Variants in PCNT observed in about 807,000 individuals in gnomAD.
The protein encoded by PCNT is kendrin.
In PCNT, 319 loss-of-function variants were observed where a neutral mutation model predicts 380.4. That is an observed-to-expected ratio of 0.84 (90% CI 0.77 to 0.92). The LOEUF is 0.92. PCNT is among the 40% of genes least tolerant of loss of function. The pLI is 0.00. For missense variants in PCNT, 4,400 were observed against 4,255.3 expected (o/e 1.03, Z -0.95); for synonymous variants, 1,845 against 1,735.2 (o/e 1.06, Z -1.57).
At position 46,353,992 on chromosome 21, in the gene PCNT, C is replaced by G; in HGVS notation, c.1685C>G (p.Ser562Cys). 18 of 1,613,418 alleles carry G rather than the reference C, an allele frequency of 1.1e-5. No homozygotes were observed. Among genetic ancestry groups the G allele is most frequent in the Non-Finnish European group, 1.5e-5 (18 of 1,179,410 alleles). The change falls in exon 11 of 47, where the codon TCC becomes TGC. Residue 562 changes from serine to cysteine, a missense_variant. Coordinates refer to ENST00000359568, the MANE Select transcript of PCNT (RefSeq NM_006031.6). ...ALLDSVEVGL[S>C]CVGLEEKPEK... Reference sequence around the variant, plus strand: ...ATAAAATGTTTTCCCTTCAGGTTGTCCTGTGTGGGTTTAGAAGAGAAACCT... The same window carrying G: ...ATAAAATGTTTTCCCTTCAGGTTGTGCTGTGTGGGTTTAGAAGAGAAACCT...
chr21:46,390,660 G>GT lies in PCNT; in HGVS notation c.3841-6dup. On this transcript the variant is annotated splice_polypyrimidine_tract_variant and intron_variant, in intron 19 of 46. Transcript: ENST00000359568. ...ATCTGGAGTTTTGATTTGCAAATGT[G>GT]TTTTAACAGCTGGAAGAAGCACGCC... The GT allele has an allele frequency of 6.2e-7, 1 of 1,614,020 alleles. No homozygotes were observed. Among genetic ancestry groups the GT allele is most frequent in the Non-Finnish European group, 8.5e-7 (1 of 1,179,902 alleles).
rs369123962 is a variant in PCNT, at chr21:46,370,233, G to C, written c.3165+3094G>C. On this transcript the variant is annotated intron_variant, in intron 15 of 46. Coordinates refer to ENST00000359568, the MANE Select transcript of PCNT (RefSeq NM_006031.6). ...TGCAGGGGTGGGCATCCGGGGGGGG[G>C]TGTCTTTGGTTGGCCTCCCCTCCTG... is the stretch of plus-strand genomic sequence containing the variant. 3.3e-5 allele frequency among the ~76,000 whole-genome samples: 5 copies of C among 152,006 alleles called. No homozygotes were observed. In the East Asian group the frequency reaches 9.7e-4, roughly 29 times the overall value.
intron 31 of PCNT, chr21:46,420,623 T>C (rs1443135753): frequency 6.6e-6 from 1 of 152,560 alleles, no homozygotes; most frequent in African/African-American, 2.4e-5. Flanking sequence ...CAATGGGGAA[T>C]GTGGTCTTGG....
chr21:46,396,191 C>T (rs1293277535), intron 21 of PCNT, among the ~76,000 whole-genome samples: 3 of 152,238 alleles, frequency 2.0e-5, no homozygotes, highest in African/African-American at 2.4e-5. Context: ...GCCGGGGCTT[C>T]GCCACCCCAG....
intron 43 of PCNT, among the ~76,000 whole-genome samples, chr21:46,442,138 C>A (rs748386308): frequency 6.6e-6 from 1 of 152,134 alleles, no homozygotes; most frequent in Non-Finnish European, 1.5e-5. Context: ...GCACACCAGG[C>A]GGGAGCGGCA....
intron 8 of PCNT, 70 bp from the exon 9 acceptor site, chr21:46,351,359 G>A (rs552076345): frequency 1.1e-5 from 9 of 847,678 alleles, no homozygotes; most frequent in South Asian, 2.6e-5. Flanking sequence ...GGATAAAACC[G>A]CACACGTCAC....
At chr21:46,386,297 AGTGTCT>A (rs2085832884) in intron 17 of PCNT, among the ~76,000 whole-genome samples, 1 of 151,906 alleles carries the variant, frequency 6.6e-6, no homozygotes, top group Admixed American at 6.5e-5. Flanking sequence ...CCTCCCCTTT[AGTGTCT>A]GCGTCCCCGC....
chr21:46,389,711 A>T (rs1234782849), intron 19 of PCNT, among the ~76,000 whole-genome samples: 1 of 152,268 alleles, frequency 6.6e-6, no homozygotes, highest in African/African-American at 2.4e-5. Context: ...CTAAGAAAGG[A>T]AATTTTTTGT....
In PCNT at chr21:46,428,537, T is replaced by C. The variant is rs751492507; in HGVS notation, c.7637T>C (p.Leu2546Pro). Residue 2546 changes from leucine to proline, a missense_variant, in exon 35 of 47, where the codon CTG (leucine) becomes CCG (proline). Coordinates refer to ENST00000359568, the MANE Select transcript of PCNT (RefSeq NM_006031.6). ...AAGCTGCAGCACTTGCGCACGGCGC[T>C]GACAAGCGCAGAGGCGCGCGGGAGC... ...QEKLQHLRTALTSAEARGSQQ... is the reference protein window; with the variant it reads ...QEKLQHLRTAPTSAEARGSQQ... The C allele has an allele frequency of 6.2e-6, 10 of 1,610,252 alleles. No homozygotes were observed. In the South Asian group the frequency reaches 1.1e-4, roughly 18 times the overall value.
Position 46,431,323 on chromosome 21 carries a change from G to A in PCNT, c.8065-206G>A, listed in dbSNP as rs201171629. The A allele has an allele frequency of 1.1e-4, 161 of 1,428,934 alleles. 1 individual carries two copies. Among genetic ancestry groups the A allele is most frequent in the African/African-American group, 1.1e-3 (76 of 69,706 alleles). 88.5% of individuals were successfully genotyped at this position (1,428,934 alleles called of 1,614,324 possible). ...GAACCCAGGACTCAACACCATTTCC[G>A]AAAAAAGTATGTCATCTCCGCAGTC... On this transcript the variant is annotated intron_variant, in intron 37 of 46. Coordinates refer to ENST00000359568, the MANE Select transcript of PCNT (RefSeq NM_006031.6).
At chr21:46,435,137 G>A (rs1004806602) in intron 38 of PCNT, among the ~76,000 whole-genome samples, 1 of 152,206 alleles carries the variant, frequency 6.6e-6, no homozygotes, top group African/African-American at 2.4e-5. Flanking sequence ...CTGCCTGCCC[G>A]AGGGCCTGTT....
chr21:46,397,869 A>G, intron 22 of PCNT, 145 bp from the exon 23 acceptor site: 1 of 683,154 alleles, frequency 1.5e-6, no homozygotes, highest in Non-Finnish European at 2.6e-6. Flanking sequence ...CCATTTTACA[A>G]AGTGACTGTG....
Position 46,406,182 on chromosome 21 carries a change from T to C in PCNT, c.5115+3699T>C, listed in dbSNP as rs557667471. On this transcript the variant is annotated intron_variant, in intron 27 of 46. Coordinates refer to ENST00000359568, the MANE Select transcript of PCNT (RefSeq NM_006031.6). The stretch of plus-strand genomic sequence containing the variant: ...CTCCCTGGCGTGGTCGTGGTTGTTG[T>C]CACTTGTTCTGTACTGCCGTCCTCC... Among the ~76,000 whole-genome samples the C allele has an allele frequency of 2.6e-5, 4 of 152,326 alleles. No homozygotes were observed. In the South Asian group the frequency reaches 8.3e-4, roughly 32 times the overall value.
intron 15 of PCNT, among the ~76,000 whole-genome samples, chr21:46,380,452 G>A (rs1601897068): frequency 6.6e-6 from 1 of 151,854 alleles, no homozygotes; most frequent in Admixed American, 6.6e-5. Flanking sequence ...GAGCCACCGC[G>A]CCCGGCCAAC....
chr21:46,375,481 C>CT (rs1311455324), intron 15 of PCNT, among the ~76,000 whole-genome samples: 1 of 152,102 alleles, frequency 6.6e-6, no homozygotes, highest in Non-Finnish European at 1.5e-5. Context: ...CTGAAAATAA[C>CT]TTTTTTTGAA....
At chr21:46,412,800 C>G in intron 28 of PCNT, 37 bp from the exon 29 acceptor site, 1 of 1,605,768 alleles carries the variant, frequency 6.2e-7, no homozygotes, top group Non-Finnish European at 8.5e-7. Flanking sequence ...GCAACAGCCT[C>G]CTGCATGCTC....
intron 15 of PCNT, among the ~76,000 whole-genome samples, chr21:46,368,252 T>C (rs1030503407): frequency 2.6e-5 from 4 of 152,100 alleles, no homozygotes; most frequent in Non-Finnish European, 4.4e-5. Flanking sequence ...GAGACCATCC[T>C]GGCTAACACG....
chr21:46,444,249 G>T (rs114883294), intron 45 of PCNT, among the ~76,000 whole-genome samples: 2 of 152,296 alleles, frequency 1.3e-5, no homozygotes, highest in South Asian at 2.1e-4. Flanking sequence ...GTTCCCTGCC[G>T]TGAAGATACT....
chr21:46,340,287 C>G (rs2083876926), intron 3 of PCNT, among the ~76,000 whole-genome samples: 1 of 152,208 alleles, frequency 6.6e-6, no homozygotes, highest in African/African-American at 2.4e-5. Context: ...CCTCCCATGA[C>G]ACGTGGGAAT....
Sources: allele counts gnomAD v4.1 joint callset (sites outside exome capture counted in the v4.1 genomes callset), GRCh38; gene constraint gnomAD v4.1.1; transcripts MANE v1.5; gene names NCBI Gene and HGNC (gene_info 2026-07-23, HGNC 2026-07-21).